The following RAB2A variants were observed in gnomAD, a reference collection of about 807,000 sequenced individuals.
RAB2A encodes RAB2A, member RAS oncogene family, also known as ras-related protein Rab-2A.
A neutral mutation model predicts 32.5 loss-of-function variants in RAB2A; 7 were observed. The observed-to-expected ratio is 0.22, with a 90% CI of 0.12 to 0.40. RAB2A has a LOEUF of 0.40. Among genes scored for constraint, RAB2A ranks in the 10% least tolerant of loss-of-function variants. RAB2A has a pLI of 1.00. For synonymous variants in RAB2A, 79 were observed against 85.2 expected, an observed-to-expected ratio of 0.93 and a Z score of 0.40; for missense variants, 108 against 260.7, an observed-to-expected ratio of 0.41 and a Z score of 4.03.
intron 3 of RAB2A, among the ~76,000 whole-genome samples, chr8:60,575,606 C>A (rs986472117): frequency 6.6e-6 from 1 of 150,822 alleles, no homozygotes; most frequent in African/African-American, 2.4e-5. Context: ...TTTGTTTTAT[C>A]AGCCTTATAG....
intron 2 of RAB2A, among the ~76,000 whole-genome samples, chr8:60,560,309 G>C (rs1264514201): frequency 6.6e-6 from 1 of 152,104 alleles, no homozygotes. Context: ...AGCTGGTTTC[G>C]CACTCCTGGG....
At chr8:60,562,372 T>G (rs957809046) in intron 2 of RAB2A, among the ~76,000 whole-genome samples, 1 of 152,194 alleles carries the variant, frequency 6.6e-6, no homozygotes, top group Non-Finnish European at 1.5e-5. Flanking sequence ...AAGATGAATG[T>G]AGGAAGTCCC....
At chr8:60,537,377 A>G (rs1232011992) in intron 1 of RAB2A, among the ~76,000 whole-genome samples, 3 of 152,094 alleles carry the variant, frequency 2.0e-5, no homozygotes, top group Non-Finnish European at 4.4e-5. Context: ...ATGTGCTACC[A>G]CGCCCAGCTA....
At chr8:60,602,732 T>C (rs1463773250) in intron 6 of RAB2A, among the ~76,000 whole-genome samples, 1 of 152,230 alleles carries the variant, frequency 6.6e-6, no homozygotes, top group African/African-American at 2.4e-5. Context: ...GCCCATTGAT[T>C]CTTGATCAGG....
At chr8:60,537,652 A>C (rs1360148699) in intron 1 of RAB2A, among the ~76,000 whole-genome samples, 2 of 152,120 alleles carry the variant, frequency 1.3e-5, no homozygotes, top group Non-Finnish European at 2.9e-5. Context: ...GACATCCTAC[A>C]ATTCTAAGAG....
At chr8:60,613,163 T>A (rs1273354138) in intron 6 of RAB2A, among the ~76,000 whole-genome samples, 1 of 152,182 alleles carries the variant, frequency 6.6e-6, no homozygotes, top group African/African-American at 2.4e-5. Context: ...AAGGTTTAGC[T>A]CTATTTAATC....
intron 1 of RAB2A, among the ~76,000 whole-genome samples, chr8:60,519,420 C>T (rs1402370321): frequency 6.6e-6 from 1 of 152,196 alleles, no homozygotes; most frequent in African/African-American, 2.4e-5. Context: ...TCTTAGAGTG[C>T]TTTCCGGCAC....
chr8:60,565,237 A>G (rs1279076122), intron 2 of RAB2A, among the ~76,000 whole-genome samples: 2 of 152,222 alleles, frequency 1.3e-5, no homozygotes, highest in African/African-American at 4.8e-5. Flanking sequence ...AGGGCAACAA[A>G]GCAAGATCCC....
intron 1 of RAB2A, among the ~76,000 whole-genome samples, chr8:60,547,542 C>T (rs1040386853): frequency 1.3e-5 from 2 of 150,662 alleles, no homozygotes; most frequent in African/African-American, 2.4e-5. Flanking sequence ...CCCCCCACCT[C>T]CCTCCTGGAT....
chr8:60,567,815 C>G (rs1213580593), intron 2 of RAB2A, among the ~76,000 whole-genome samples: 1 of 151,720 alleles, frequency 6.6e-6, no homozygotes, highest in Non-Finnish European at 1.5e-5. Context: ...CTTTTTAGTC[C>G]TATCTGTAAG....
chr8:60,558,267 T>A, intron 1 of RAB2A: 1 of 413,220 alleles, frequency 2.4e-6, no homozygotes, highest in Non-Finnish European at 4.7e-6. Flanking sequence ...GCAAGTAGGA[T>A]GAATATAGAA....
intron 1 of RAB2A, chr8:60,552,746 C>T (rs1033855512): frequency 2.0e-5 from 3 of 152,180 alleles, no homozygotes; most frequent in Admixed American, 1.3e-4. Context: ...GGTTAAACCC[C>T]TCCCATCTTC....
At chr8:60,617,103 T>C (rs1252452853) in intron 6 of RAB2A, among the ~76,000 whole-genome samples, 3 of 152,334 alleles carry the variant, frequency 2.0e-5, no homozygotes, top group South Asian at 2.1e-4. Context: ...ATTGGTACTG[T>C]TATCTGTGAT....
At chr8:60,562,094 T>C (rs373465082) in intron 2 of RAB2A, among the ~76,000 whole-genome samples, 15 of 152,360 alleles carry the variant, frequency 9.8e-5, no homozygotes, top group African/African-American at 3.6e-4. Flanking sequence ...TCTCAGAGGA[T>C]GCCATTGCTT....
chr8:60,573,534 G>A (rs1320458544), intron 3 of RAB2A, among the ~76,000 whole-genome samples: 3 of 152,042 alleles, frequency 2.0e-5, no homozygotes. Flanking sequence ...TTGTCCACTC[G>A]ACTCTGGGTT....
intron 3 of RAB2A, among the ~76,000 whole-genome samples, chr8:60,575,838 G>A (rs1221959364): frequency 6.6e-6 from 1 of 151,890 alleles, no homozygotes; most frequent in African/African-American, 2.4e-5. Context: ...TGTATTTTTA[G>A]TAGAGACGGG....
chr8:60,577,792 A>ATTTTTTTTTTTTTTTTTTTT (rs3055112), intron 3 of RAB2A, among the ~76,000 whole-genome samples: 3 of 112,944 alleles, frequency 2.7e-5, no homozygotes, highest in Non-Finnish European at 5.2e-5. Flanking sequence ...CGCCCGGCTA[A>ATTTTTTTTTTTTTTTTTTTT]TTTTTTTTTT....
intron 1 of RAB2A, among the ~76,000 whole-genome samples, chr8:60,556,330 A>G (rs1382704945): frequency 3.3e-5 from 5 of 152,158 alleles, no homozygotes; most frequent in African/African-American, 1.2e-4. Flanking sequence ...TTTCTTGTAT[A>G]TTTTCAAATA....
At chr8:60,608,111 G>GTTTA (rs1804267489) in intron 6 of RAB2A, among the ~76,000 whole-genome samples, 1 of 151,924 alleles carries the variant, frequency 6.6e-6, no homozygotes, top group African/African-American at 2.4e-5. Context: ...TTGTTTGTTT[G>GTTTA]TTTGTTTTGG....
Sources: gnomAD v4.1 joint callset for allele counts (sites outside exome capture counted in the v4.1 genomes callset) on GRCh38, gnomAD v4.1.1 for gene constraint, MANE v1.5 for transcripts, NCBI Gene and HGNC (gene_info 2026-07-23, HGNC 2026-07-21) for gene names.